The following ACSS3 variants were observed in gnomAD, a reference collection of about 807,000 sequenced individuals.
ACSS3 encodes acyl-CoA synthetase short chain family member 3.
A neutral mutation model predicts 84.2 loss-of-function variants in ACSS3; 64 were observed. The observed-to-expected ratio is 0.76, with a 90% CI of 0.62 to 0.94. The LOEUF is 0.94. Among genes scored for constraint, ACSS3 ranks in the 40% least tolerant of loss-of-function variants. The probability of loss-of-function intolerance (pLI) is 0.00; values close to 1 mark genes in which losing one functional copy is unlikely to be tolerated. For synonymous variants in ACSS3, 317 were observed against 310.1 expected, an observed-to-expected ratio of 1.02 and a Z score of -0.23; for missense variants, 815 against 867.6, an observed-to-expected ratio of 0.94 and a Z score of 0.76.
intron 2 of ACSS3, among the ~76,000 whole-genome samples, chr12:81,134,307 T>C (rs1885676424): frequency 6.6e-6 from 1 of 152,162 alleles, no homozygotes; most frequent in South Asian, 2.1e-4. Flanking sequence ...TATAGTAGAA[T>C]TTGTCTTATT....
chr12:81,109,020 G>A (rs556195890), intron 1 of ACSS3, among the ~76,000 whole-genome samples: 2 of 152,232 alleles, frequency 1.3e-5, no homozygotes, highest in African/African-American at 4.8e-5. Flanking sequence ...AAATTATGAA[G>A]CATTTCAAAC....
intron 11 of ACSS3, among the ~76,000 whole-genome samples, chr12:81,225,531 TA>T (rs1209014071): frequency 6.6e-6 from 1 of 151,906 alleles, no homozygotes; most frequent in African/African-American, 2.4e-5. Context: ...TGGATGGGGA[TA>T]AAAACTTCTC....
chr12:81,209,708 C>G (rs539198402), intron 9 of ACSS3, among the ~76,000 whole-genome samples: 2 of 152,096 alleles, frequency 1.3e-5, no homozygotes, highest in Middle Eastern at 3.2e-3. Context: ...GCAGCCCGAA[C>G]GGCTACTGGT....
chr12:81,217,503 A>C (rs566190629), intron 10 of ACSS3, among the ~76,000 whole-genome samples: 37 of 152,320 alleles, frequency 2.4e-4, no homozygotes, highest in African/African-American at 8.9e-4. Flanking sequence ...CACATGCTGC[A>C]TTTTAATTTA....
At chr12:81,088,094 C>G (rs559506498) in intron 1 of ACSS3, among the ~76,000 whole-genome samples, 1 of 152,194 alleles carries the variant, frequency 6.6e-6, no homozygotes, top group African/African-American at 2.4e-5. Context: ...TTGGCCACTG[C>G]AATAAGAGGA....
At chr12:81,206,242 A>G in intron 9 of ACSS3, among the ~76,000 whole-genome samples, 1 of 152,120 alleles carries the variant, frequency 6.6e-6, no homozygotes, top group East Asian at 1.9e-4. Context: ...GTTTCTTTAA[A>G]GTACATGTCT....
intron 9 of ACSS3, among the ~76,000 whole-genome samples, chr12:81,212,187 C>T (rs1481828457): frequency 1.3e-5 from 2 of 152,158 alleles, no homozygotes; most frequent in Admixed American, 1.3e-4. Flanking sequence ...ACACATTTTA[C>T]TCTTGTATAA....
At chr12:81,229,733 G>A (rs1267756105) in intron 11 of ACSS3, among the ~76,000 whole-genome samples, 1 of 151,860 alleles carries the variant, frequency 6.6e-6, no homozygotes, top group African/African-American at 2.4e-5. Context: ...TGCATTTTAT[G>A]TAATTACATG....
Position 81,088,588 on chromosome 12 carries a change from A to G in ACSS3, c.311+10157A>G, listed in dbSNP as rs185512047. ...AATATTTATAACAACTCTGTGAGGC[A>G]GGGCCAATTTTTATTCTTGTTTAAA... On this transcript the variant is annotated intron_variant, in intron 1 of 15. Transcript: ENST00000548058. 2.1e-3 allele frequency among the ~76,000 whole-genome samples: 325 copies of G among 152,142 alleles called. 4 individuals are homozygous for G. The highest frequency in any genetic ancestry group is 7.6e-3 in the African/African-American group (317 of 41,552).
chr12:81,140,389 T>C (rs1489768345), intron 4 of ACSS3, among the ~76,000 whole-genome samples: 1 of 112,932 alleles, frequency 8.9e-6, no homozygotes, highest in Admixed American at 1.0e-4. Flanking sequence ...TTCTAGCAGA[T>C]TAAATTTTTT....
chr12:81,260,652 T>G lies in ACSS3; in HGVS notation c.*5730T>G, dbSNP rs753141571. 6.6e-5 allele frequency: 10 copies of G among 152,124 alleles called. No individual in the cohort carries two copies. Among genetic ancestry groups the G allele is most frequent in the Non-Finnish European group, 2.9e-5 (2 of 68,010 alleles). 9.4% of individuals were successfully genotyped at this position (152,124 alleles called of 1,614,324 possible). A position where few individuals can be genotyped will look rare whatever the true frequency, so the allele number is the denominator to read the frequency against. ...TGCTTTTCATTTTATCAGCTTCAAA[T>G]AGTGATCCAAATAAGGCAGCATATC... On this transcript the variant is annotated 3_prime_UTR_variant, in exon 16 of 16. Coordinates refer to ENST00000548058, the MANE Select transcript of ACSS3 (RefSeq NM_024560.4).
chr12:81,141,553 T>A (rs531793372), intron 4 of ACSS3, among the ~76,000 whole-genome samples: 1 of 152,292 alleles, frequency 6.6e-6, no homozygotes, highest in African/African-American at 2.4e-5. Context: ...TATGTGAAAG[T>A]GTTTTTTTTC....
At chr12:81,126,570 A>T (rs1305597597) in intron 2 of ACSS3, among the ~76,000 whole-genome samples, 1 of 139,970 alleles carries the variant, frequency 7.1e-6, no homozygotes, top group African/African-American at 2.5e-5. Flanking sequence ...GTAAATTTTA[A>T]CATAAGTATC....
intron 9 of ACSS3, among the ~76,000 whole-genome samples, chr12:81,215,553 AG>A (rs1457133950): frequency 6.6e-6 from 1 of 152,236 alleles, no homozygotes; most frequent in Non-Finnish European, 1.5e-5. Context: ...AGCCCATGGT[AG>A]AAGGAACACA....
intron 1 of ACSS3, chr12:81,104,876 A>C: frequency 6.6e-6 from 1 of 152,054 alleles, no homozygotes; most frequent in East Asian, 1.9e-4. Flanking sequence ...TTATTTTTTA[A>C]TTTTTATTTT....
At chr12:81,208,339 C>T (rs1375762402) in intron 9 of ACSS3, among the ~76,000 whole-genome samples, 1 of 152,152 alleles carries the variant, frequency 6.6e-6, no homozygotes, top group Non-Finnish European at 1.5e-5. Context: ...GCAGCGGGAG[C>T]TCTGATTTAT....
chr12:81,194,109 A>C (rs1249247404), intron 8 of ACSS3, among the ~76,000 whole-genome samples: 3 of 151,768 alleles, frequency 2.0e-5, no homozygotes, highest in Non-Finnish European at 4.4e-5. Context: ...TTCTTGAAAC[A>C]ATAGGAAGAT....
intron 8 of ACSS3, among the ~76,000 whole-genome samples, chr12:81,179,271 C>CAAAAAAAAAAAAAAAAAAAA (rs71098127): frequency 1.0e-4 from 7 of 66,774 alleles, no homozygotes; most frequent in East Asian, 4.8e-4. Context: ...AAGTAATTGC[C>CAAAAAAAAAAAAAAAAAAAA]AAAAAAAAAA....
At position 81,255,135 on chromosome 12, in the gene ACSS3, T is replaced by C. The variant is rs1047777287; in HGVS notation, c.*213T>C. On this transcript the variant is annotated 3_prime_UTR_variant, in exon 16 of 16. Transcript: ENST00000548058. ...CCTGTTAGCATTGTTATTAGTTATC[T>C]ATAACATGGCTTATTGAATGTCATC... is the stretch of plus-strand genomic sequence containing the variant. 7.2e-5 allele frequency: 31 copies of C among 430,886 alleles called. No homozygotes were observed. In the South Asian group the frequency reaches 7.6e-4, roughly 11 times the overall value. The allele number at this position is 430,886 out of a possible 1,614,324, so 26.7% of individuals were successfully genotyped here. A position where few individuals can be genotyped will look rare whatever the true frequency, so the allele number is the denominator to read the frequency against.
Sources: allele counts gnomAD v4.1 joint callset (sites outside exome capture counted in the v4.1 genomes callset), GRCh38; gene constraint gnomAD v4.1.1; transcripts MANE v1.5; gene names NCBI Gene and HGNC (gene_info 2026-07-23, HGNC 2026-07-21).